PVT1: variants seen among roughly 807,000 people sequenced by gnomAD.
PVT1 encodes the protein Pvt1 oncogene.
At chr8:127,871,619 A>G (rs1178884890) in intron 2 of PVT1, among the ~76,000 whole-genome samples, 2 of 151,930 alleles carry the variant, frequency 1.3e-5, no homozygotes, top group Non-Finnish European at 1.5e-5. Context: ...AGAGATCAAG[A>G]TACAGCTCTT....
chr8:128,086,783 G>A (rs1814263299), intron 5 of PVT1, among the ~76,000 whole-genome samples: 1 of 152,176 alleles, frequency 6.6e-6, no homozygotes, highest in Admixed American at 6.5e-5. Context: ...GTTCCTACAG[G>A]GTGGGCCCTG....
chr8:128,035,211 T>G (rs1244844488), intron 4 of PVT1, among the ~76,000 whole-genome samples: 2 of 152,164 alleles, frequency 1.3e-5, no homozygotes, highest in African/African-American at 4.8e-5. Context: ...CCCAGGAAAT[T>G]GGCATGAGAG....
intron 4 of PVT1, among the ~76,000 whole-genome samples, chr8:128,029,692 G>T (rs531492380): frequency 6.6e-6 from 1 of 152,176 alleles, no homozygotes; most frequent in Non-Finnish European, 1.5e-5. Flanking sequence ...CCAGCTACTC[G>T]GGAGGCTGAG....
chr8:127,882,076 T>C (rs1815474245), intron 2 of PVT1, among the ~76,000 whole-genome samples: 1 of 152,186 alleles, frequency 6.6e-6, no homozygotes, highest in African/African-American at 2.4e-5. Context: ...GGAAACACTT[T>C]CAATGAGCTT....
Position 127,915,466 on chromosome 8 carries a change from G to A in PVT1, n.782+24468G>A, listed in dbSNP as rs866243186. 3.6e-4 allele frequency among the ~76,000 whole-genome samples: 54 copies of A among 152,016 alleles called. 2 individuals are homozygous for A. In the Middle Eastern group the frequency reaches 0.02, roughly 57 times the overall value. ...TTTCCCTACTAAAAATACGAAATTA[G>A]CCAGGCGTGGTGGCACGTGCCTGTA... On this transcript the variant is annotated intron_variant and non_coding_transcript_variant, in intron 3 of 10. Transcript: ENST00000651587.
At chr8:128,086,106 G>A (rs1814252120) in intron 5 of PVT1, among the ~76,000 whole-genome samples, 1 of 152,242 alleles carries the variant, frequency 6.6e-6, no homozygotes, top group African/African-American at 2.4e-5. Flanking sequence ...AAATCTGGCT[G>A]TGAGTCGATA....
chr8:128,044,482 A>T (rs1185583828), intron 4 of PVT1, among the ~76,000 whole-genome samples: 1 of 152,164 alleles, frequency 6.6e-6, no homozygotes, highest in East Asian at 1.9e-4. Context: ...ATGTAAAGTA[A>T]CTTACTCAAA....
intron 4 of PVT1, among the ~76,000 whole-genome samples, chr8:128,037,402 A>G (rs1306250548): frequency 6.6e-6 from 1 of 152,334 alleles, no homozygotes; most frequent in Admixed American, 6.5e-5. Context: ...TTGATTCGCT[A>G]TAGAGAATGT....
chr8:128,005,975 C>T (rs112158185), intron 4 of PVT1, among the ~76,000 whole-genome samples: 2,487 of 151,880 alleles, frequency 0.016, 71 homozygotes, highest in African/African-American at 0.056. Context: ...TGGTAGTGCG[C>T]GCCTGTAGTC....
chr8:127,962,373 G>A (rs1252523810), intron 3 of PVT1, among the ~76,000 whole-genome samples: 1 of 152,204 alleles, frequency 6.6e-6, no homozygotes, highest in African/African-American at 2.4e-5. Flanking sequence ...GCAGCCTAAT[G>A]GTTTTTGACA....
At chr8:127,975,783 G>T (rs1262796714) in intron 3 of PVT1, among the ~76,000 whole-genome samples, 1 of 152,188 alleles carries the variant, frequency 6.6e-6, no homozygotes, top group African/African-American at 2.4e-5. Flanking sequence ...CTATTTTTCG[G>T]TTTCCTAGCT....
intron 4 of PVT1, among the ~76,000 whole-genome samples, chr8:128,019,670 G>T (rs1427048082): frequency 1.3e-5 from 2 of 152,168 alleles, no homozygotes; most frequent in Non-Finnish European, 2.9e-5. Flanking sequence ...CGGTATCACG[G>T]ATGTCTTCCT....
intron 2 of PVT1, among the ~76,000 whole-genome samples, chr8:127,805,204 A>G (rs1311648160): frequency 6.6e-6 from 1 of 152,096 alleles, no homozygotes; most frequent in Non-Finnish European, 1.5e-5. Context: ...TGCTGGGATT[A>G]CAGGAGTGAG....
intron 3 of PVT1, among the ~76,000 whole-genome samples, chr8:127,941,211 C>T (rs1816345531): frequency 6.6e-6 from 1 of 152,226 alleles, no homozygotes; most frequent in Admixed American, 6.5e-5. Flanking sequence ...TTTCTTTTCA[C>T]CTCTGTGATC....
At chr8:127,959,346 G>A (rs369360946) in intron 3 of PVT1, among the ~76,000 whole-genome samples, 9 of 152,256 alleles carry the variant, frequency 5.9e-5, no homozygotes, top group African/African-American at 2.2e-4. Context: ...CAACACTTTG[G>A]GAGGCCAAGG....
intron 2 of PVT1, among the ~76,000 whole-genome samples, chr8:127,819,351 G>A (rs539752109): frequency 1.3e-5 from 2 of 152,306 alleles, no homozygotes; most frequent in Admixed American, 1.3e-4. Flanking sequence ...AGCTCTGACT[G>A]TCACCAGGCT....
intron 2 of PVT1, among the ~76,000 whole-genome samples, chr8:127,886,284 A>G (rs1294795358): frequency 4.6e-5 from 7 of 152,066 alleles, no homozygotes; most frequent in Non-Finnish European, 1.0e-4. Context: ...CAACTATTAT[A>G]TACTTAGGTG....
rs547030304 is a variant in PVT1 at position 127,974,530 on chromosome 8, TCAGCCACCTGAGTAGCTGGGACTA to T, written n.783-14628_783-14605del. On this transcript the variant is annotated intron_variant and non_coding_transcript_variant, in intron 3 of 10. Coordinates refer to ENST00000651587, the Ensembl canonical transcript of PVT1. Reference sequence around the variant, plus strand: ...CTCGGGTTCAAGCAATTCACCTGCTTCAGCCACCTGAGTAGCTGGGACTACAGGTGCGCACTGCTACACGGCTCT... The same window carrying T: ...CTCGGGTTCAAGCAATTCACCTGCTTCAGGTGCGCACTGCTACACGGCTCT... 4.1e-3 allele frequency among the ~76,000 whole-genome samples: 630 copies of T among 152,296 alleles called. 5 individuals carry two copies. Among genetic ancestry groups the T allele is most frequent in the African/African-American group, 0.014 (595 of 41,556 alleles).
intron 3 of PVT1, among the ~76,000 whole-genome samples, chr8:127,910,429 A>G (rs1313581745): frequency 2.0e-5 from 3 of 152,180 alleles, no homozygotes; most frequent in African/African-American, 7.2e-5. Flanking sequence ...TTTTGCAGGG[A>G]ATGTGAAATC....
Sources: allele counts gnomAD v4.1 joint callset (sites outside exome capture counted in the v4.1 genomes callset), GRCh38; gene constraint gnomAD v4.1.1; transcripts MANE v1.5; gene names NCBI Gene and HGNC (gene_info 2026-07-23, HGNC 2026-07-21).